The following B3GAT2 variants were observed in gnomAD, a reference collection of about 807,000 sequenced individuals.
B3GAT2 encodes the protein beta-1,3-glucuronyltransferase 2, also known as galactosylgalactosylxylosylprotein 3-beta-glucuronosyltransferase 2.
A neutral mutation model predicts 27.8 loss-of-function variants in B3GAT2; 26 were observed. The ratio of observed to expected loss-of-function variants is 0.93; its 90% CI spans 0.68 to 1.30. The LOEUF (loss-of-function observed/expected upper bound fraction) is 1.30, where lower values mean the gene tolerates loss of function less well. B3GAT2 is among the 50% of genes most tolerant of loss of function. B3GAT2 has a pLI of 0.00. For missense variants in B3GAT2, 458 were observed against 459.0 expected (o/e 1.00, Z 0.02); for synonymous variants, 218 against 195.1 (o/e 1.12, Z -0.98).
At chr6:70,886,494 T>A (rs1772189206) in intron 2 of B3GAT2, among the ~76,000 whole-genome samples, 1 of 152,208 alleles carries the variant, frequency 6.6e-6, no homozygotes. Flanking sequence ...ATTGAAATCT[T>A]GAGGGGATCT....
chr6:70,875,927 T>C (rs1772007827), intron 2 of B3GAT2, among the ~76,000 whole-genome samples: 1 of 152,216 alleles, frequency 6.6e-6, no homozygotes, highest in Non-Finnish European at 1.5e-5. Flanking sequence ...ACAATCAGGA[T>C]GCTGAGCAAG....
intron 1 of B3GAT2, among the ~76,000 whole-genome samples, chr6:70,936,064 C>G (rs1015941619): frequency 6.6e-6 from 1 of 151,256 alleles, no homozygotes; most frequent in African/African-American, 2.4e-5. Flanking sequence ...GAAGATCTAC[C>G]AAGCAAATGG....
intron 1 of B3GAT2, among the ~76,000 whole-genome samples, chr6:70,950,671 TC>T (rs746544421): frequency 6.6e-6 from 1 of 152,212 alleles, no homozygotes; most frequent in East Asian, 1.9e-4. Context: ...TATATTACCG[TC>T]AGGTTGCATT....
chr6:70,908,706 T>A (rs1315877293), intron 1 of B3GAT2, among the ~76,000 whole-genome samples: 2 of 151,992 alleles, frequency 1.3e-5, no homozygotes, highest in African/African-American at 4.8e-5. Context: ...TGACTAAGGA[T>A]AAGGATAAAG....
At position 70,893,251 on chromosome 6, in the gene B3GAT2, C is replaced by T. The variant is rs562826599; in HGVS notation, c.736+877G>A. On this transcript the variant is annotated intron_variant, in intron 2 of 3. Coordinates refer to ENST00000230053, the MANE Select transcript of B3GAT2 (RefSeq NM_080742.3). ...GCCTCCATCCCATCAGAATTCTGAA[C>T]GCGGAGATCTTGACTACGGCTGGGA... Among the ~76,000 whole-genome samples the T allele has an allele frequency of 4.6e-5, 7 of 152,250 alleles. No homozygotes were observed. In the South Asian group the frequency reaches 6.2e-4, roughly 14 times the overall value.
intron 2 of B3GAT2, among the ~76,000 whole-genome samples, chr6:70,893,523 A>G (rs938925197): frequency 1.3e-5 from 2 of 151,954 alleles, no homozygotes; most frequent in African/African-American, 4.8e-5. Context: ...GTAGCATTTT[A>G]GAACGTGTGG....
chr6:70,881,774 C>T (rs1423181198), intron 2 of B3GAT2, among the ~76,000 whole-genome samples: 1 of 152,200 alleles, frequency 6.6e-6, no homozygotes, highest in African/African-American at 2.4e-5. Context: ...GATCTCTGCA[C>T]TCTGAGAATA....
intron 2 of B3GAT2, among the ~76,000 whole-genome samples, chr6:70,881,183 C>T (rs756232696): frequency 6.6e-6 from 1 of 152,140 alleles, no homozygotes; most frequent in Non-Finnish European, 1.5e-5. Flanking sequence ...CTTAGAGCCT[C>T]GATGCTGTCA....
chr6:70,888,377 A>G (rs1394401825), intron 2 of B3GAT2, among the ~76,000 whole-genome samples: 2 of 152,354 alleles, frequency 1.3e-5, no homozygotes, highest in South Asian at 2.1e-4. Flanking sequence ...AAAATTAACC[A>G]AACTTAAATT....
chr6:70,860,481 G>T lies in B3GAT2; in HGVS notation c.*1182C>A. On this transcript the variant is annotated 3_prime_UTR_variant, in exon 4 of 4. Coordinates refer to ENST00000230053, the MANE Select transcript of B3GAT2 (RefSeq NM_080742.3). ...ATGATCTGATTGACCGTGTTGGTCTGTACTGATTCAATTTGATGTGGTGAA... is the reference window on the plus strand; with the variant it reads ...ATGATCTGATTGACCGTGTTGGTCTTTACTGATTCAATTTGATGTGGTGAA... The T allele has an allele frequency of 2.4e-6, 2 of 828,212 alleles. No homozygotes were observed. Among genetic ancestry groups the T allele is most frequent in the Non-Finnish European group, 3.4e-6 (2 of 594,418 alleles). 51.3% of individuals were successfully genotyped at this position (828,212 alleles called of 1,614,324 possible). A position where few individuals can be genotyped will look rare whatever the true frequency, so the allele number is the denominator to read the frequency against.
chr6:70,867,872 A>G (rs1039322545), intron 2 of B3GAT2, among the ~76,000 whole-genome samples: 72 of 152,318 alleles, frequency 4.7e-4, no homozygotes, highest in African/African-American at 1.6e-3. Flanking sequence ...AGAAAACTAC[A>G]GACTAATAAT....
chr6:70,920,757 G>C (rs1772855840), intron 1 of B3GAT2, among the ~76,000 whole-genome samples: 1 of 152,270 alleles, frequency 6.6e-6, no homozygotes, highest in African/African-American at 2.4e-5. Context: ...GTATATTTTT[G>C]TGGTGGCCAG....
intron 1 of B3GAT2, among the ~76,000 whole-genome samples, chr6:70,941,970 C>T (rs1199366624): frequency 1.3e-5 from 2 of 152,034 alleles, no homozygotes; most frequent in Non-Finnish European, 2.9e-5. Context: ...TCTAAAGGAT[C>T]CACAAAAGTC....
In B3GAT2 at chr6:70,860,009, T is replaced by G; in HGVS notation, c.*1654A>C. ...GTGGTTAATCTTTGGGGAAACTGTATCTAGAAAGTAGATAAAGAAGGGAAC... is the reference window on the plus strand; with the variant it reads ...GTGGTTAATCTTTGGGGAAACTGTAGCTAGAAAGTAGATAAAGAAGGGAAC... On this transcript the variant is annotated 3_prime_UTR_variant, in exon 4 of 4. Coordinates refer to ENST00000230053, the MANE Select transcript of B3GAT2 (RefSeq NM_080742.3). The G allele has an allele frequency of 1.9e-6, 1 of 520,134 alleles. No homozygotes were observed. The highest frequency in any genetic ancestry group is 4.7e-5 in the South Asian group (1 of 21,136). 32.2% of individuals were successfully genotyped at this position (520,134 alleles called of 1,614,324 possible).
At chr6:70,921,175 G>C (rs974899245) in intron 1 of B3GAT2, among the ~76,000 whole-genome samples, 2 of 152,060 alleles carry the variant, frequency 1.3e-5, no homozygotes, top group Non-Finnish European at 2.9e-5. Context: ...GGCCTCTCTA[G>C]CAAGGCTGGA....
At chr6:70,930,242 G>A (rs1773038044) in intron 1 of B3GAT2, among the ~76,000 whole-genome samples, 1 of 152,172 alleles carries the variant, frequency 6.6e-6, no homozygotes, top group Non-Finnish European at 1.5e-5. Context: ...AAGAACCCTA[G>A]AAGAAAACGT....
chr6:70,867,041 G>A (rs1771862854), intron 2 of B3GAT2, among the ~76,000 whole-genome samples: 1 of 152,036 alleles, frequency 6.6e-6, no homozygotes, highest in African/African-American at 2.4e-5. Context: ...CAAATATTTG[G>A]AAACTAAACA....
At chr6:70,893,459 T>C (rs1261083556) in intron 2 of B3GAT2, among the ~76,000 whole-genome samples, 6 of 152,022 alleles carry the variant, frequency 3.9e-5, no homozygotes. Context: ...CTTCCACAGT[T>C]ATCACAGGCA....
chr6:70,859,236 G>A lies in B3GAT2; in HGVS notation c.*2427C>T, dbSNP rs1406488830. ...ATCTAAAAAATTGTATGTGCTAAGT[G>A]TCAGTCACATGGTCAACATGCTGAA... On this transcript the variant is annotated 3_prime_UTR_variant, in exon 4 of 4. Coordinates refer to ENST00000230053, the MANE Select transcript of B3GAT2 (RefSeq NM_080742.3). The A allele has an allele frequency of 2.1e-5, 17 of 798,172 alleles. No homozygotes were observed. Among genetic ancestry groups the A allele is most frequent in the South Asian group, 9.4e-5 (5 of 53,056 alleles). The allele number at this position is 798,172 out of a possible 1,614,324, so 49.4% of individuals were successfully genotyped here. A position where few individuals can be genotyped will look rare whatever the true frequency, so the allele number is the denominator to read the frequency against.
Sources: gnomAD v4.1 joint callset for allele counts (sites outside exome capture counted in the v4.1 genomes callset) on GRCh38, gnomAD v4.1.1 for gene constraint, MANE v1.5 for transcripts, NCBI Gene and HGNC (gene_info 2026-07-23, HGNC 2026-07-21) for gene names.